Variants in RBM19 observed in about 807,000 individuals in gnomAD.
RBM19 encodes probable RNA-binding protein 19.
RBM19 carries 94 observed loss-of-function variants against 116.8 expected under a neutral mutation model. That is an observed-to-expected ratio of 0.80 (90% CI 0.68 to 0.95). The LOEUF is 0.95. Among genes scored for constraint, RBM19 ranks in the 40% least tolerant of loss-of-function variants. RBM19 has a pLI of 0.00. For missense variants in RBM19, 1,161 were observed against 1,220.7 expected, an observed-to-expected ratio of 0.95 and a Z score of 0.73; for synonymous variants, 475 against 494.1, an observed-to-expected ratio of 0.96 and a Z score of 0.51.
chr12:113,937,686 T>C (rs1870193776), intron 15 of RBM19, among the ~76,000 whole-genome samples: 1 of 150,838 alleles, frequency 6.6e-6, no homozygotes, highest in Non-Finnish European at 1.5e-5. Context: ...GAGGATCCCT[T>C]GAGCTCAGGA....
intron 13 of RBM19, among the ~76,000 whole-genome samples, chr12:113,944,896 T>C (rs11066841): frequency 2.6e-5 from 4 of 151,338 alleles, no homozygotes; most frequent in African/African-American, 9.7e-5. Context: ...TATATACATA[T>C]ACACACACAC....
At chr12:113,845,110 C>A (rs1396135770) in intron 22 of RBM19, among the ~76,000 whole-genome samples, 3 of 152,158 alleles carry the variant, frequency 2.0e-5, no homozygotes, top group Non-Finnish European at 4.4e-5. Context: ...AGTGGGCTCG[C>A]CTCCCACCCG....
chr12:113,876,445 A>G (rs546495979), intron 21 of RBM19, among the ~76,000 whole-genome samples: 2 of 152,310 alleles, frequency 1.3e-5, no homozygotes, highest in South Asian at 2.1e-4. Context: ...AAAACAGATA[A>G]TAAATCTATG....
chr12:113,858,168 T>A (rs573162381), intron 22 of RBM19, among the ~76,000 whole-genome samples: 141 of 152,342 alleles, frequency 9.3e-4, no homozygotes, highest in African/African-American at 3.2e-3. Context: ...CAGCACCCAC[T>A]GCAGGAGCAA....
In RBM19 at chr12:113,942,443, GAGGAA is replaced by G. The variant is rs759713612; in HGVS notation, c.1627-14_1627-10del. The stretch of plus-strand genomic sequence containing the variant: ...ACGCTGCCCTTGGTCTCCTGTGGAA[GAGGAA>G]AGGAAGAGTTCTGGTTGGCTGTCGG... On this transcript the variant is annotated splice_polypyrimidine_tract_variant and intron_variant, in intron 13 of 23. Transcript: ENST00000261741. The G allele has an allele frequency of 6.3e-7, 1 of 1,598,938 alleles. No individual in the cohort carries two copies. The highest frequency in any genetic ancestry group is 2.2e-5 in the East Asian group (1 of 44,498).
intron 22 of RBM19, among the ~76,000 whole-genome samples, chr12:113,856,769 C>T (rs1433768503): frequency 1.3e-5 from 2 of 152,184 alleles, no homozygotes; most frequent in African/African-American, 2.4e-5. Flanking sequence ...CAATGCCTTC[C>T]GCCTCCTCAT....
chr12:113,957,872 G>T lies in RBM19; in HGVS notation c.750C>A (p.Thr250=). ...SEAEEEDSSA[T]PVLQERDSKG... ...TGCTGTCTCTTTCCTGCAGGACTGG[G>T]GTGGCGGAGGAATCCTCTTCCTCGG... The change falls in exon 6 of 24, where the codon ACC becomes ACA. Residue 250 remains threonine, a synonymous_variant. Transcript: ENST00000261741. The T allele has an allele frequency of 6.2e-7, 1 of 1,614,152 alleles. No homozygotes were observed. Among genetic ancestry groups the T allele is most frequent in the Middle Eastern group, 1.6e-4 (1 of 6,062 alleles).
Position 113,960,162 on chromosome 12 carries a change from G to T in RBM19, c.236C>A (p.Ser79Ter). The T allele has an allele frequency of 6.2e-7, 1 of 1,613,798 alleles. No individual in the cohort carries two copies. The highest frequency in any genetic ancestry group is 1.1e-5 in the South Asian group (1 of 91,048). Residue 79 changes from serine to a stop codon, truncating the protein, a stop_gained, in exon 3 of 24, where the codon TCA becomes TAA. Coordinates refer to ENST00000261741, the MANE Select transcript of RBM19 (RefSeq NM_016196.4). LOFTEE classifies it high-confidence loss of function. ...TCTGGGTTTGGCCGGGTCCCCGAATGACTTGCAGAACTCCACCTGTGTGGG... is the reference window on the plus strand; with the variant it reads ...TCTGGGTTTGGCCGGGTCCCCGAATTACTTGCAGAACTCCACCTGTGTGGG... ...TSRITVEFCKSFGDPAKPRAW... is the reference protein window; with the variant it reads ...TSRITVEFCK
intron 18 of RBM19, among the ~76,000 whole-genome samples, chr12:113,922,206 C>T (rs929004650): frequency 1.3e-5 from 2 of 152,178 alleles, no homozygotes; most frequent in African/African-American, 4.8e-5. Context: ...CTGTAGAGCC[C>T]ACTTCCTGGA....
At chr12:113,856,439 G>A (rs937671664) in intron 22 of RBM19, among the ~76,000 whole-genome samples, 16 of 152,318 alleles carry the variant, frequency 1.1e-4, no homozygotes, top group Admixed American at 7.2e-4. Context: ...TCATGGCTGG[G>A]GCCCAGCCCT....
intron 21 of RBM19, among the ~76,000 whole-genome samples, chr12:113,870,839 T>G (rs1879155710): frequency 6.6e-6 from 1 of 152,140 alleles, no homozygotes; most frequent in South Asian, 2.1e-4. Flanking sequence ...GATTTGAGAT[T>G]CGTGACATAG....
chr12:113,940,760 C>T (rs1165800455), intron 14 of RBM19, among the ~76,000 whole-genome samples: 1 of 152,218 alleles, frequency 6.6e-6, no homozygotes, highest in African/African-American at 2.4e-5. Context: ...TGCACTGCCC[C>T]CAAAACTGTT....
intron 21 of RBM19, among the ~76,000 whole-genome samples, chr12:113,872,189 A>G (rs1879263114): frequency 1.4e-5 from 2 of 141,908 alleles, no homozygotes; most frequent in African/African-American, 5.2e-5. Context: ...CCCATCTGGG[A>G]TGTGAGGAGC....
At position 113,858,695 on chromosome 12, in the gene RBM19, G is replaced by T. The variant is rs895588112; in HGVS notation, c.2664+96C>A. On this transcript the variant is annotated intron_variant, in intron 22 of 23. Coordinates refer to ENST00000261741, the MANE Select transcript of RBM19 (RefSeq NM_016196.4). ...AAAAAAAGAACACCTGCATGGGGAG[G>T]TGACTCTGTGTGTGTTAGAGGCCTG... 1.5e-4 allele frequency: 175 copies of T among 1,145,168 alleles called. No homozygotes were observed. The African/African-American group carries it at 2.4e-3, about 16-fold the overall frequency. 70.9% of individuals were successfully genotyped at this position (1,145,168 alleles called of 1,614,324 possible).
At chr12:113,909,543 C>T (rs921912227) in intron 21 of RBM19, among the ~76,000 whole-genome samples, 1 of 152,124 alleles carries the variant, frequency 6.6e-6, no homozygotes, top group East Asian at 1.9e-4. Flanking sequence ...TGGAAGGCAA[C>T]GTGAACCACC....
In RBM19 at chr12:113,940,158, A is replaced by C; in HGVS notation, c.1740T>G (p.Ala580=). The C allele has an allele frequency of 6.2e-7, 1 of 1,612,438 alleles. No homozygotes were observed. The highest frequency in any genetic ancestry group is 8.5e-7 in the Non-Finnish European group (1 of 1,178,926). ...NGVSLDSFSQ[A]AAERSKTVIL... ...TCACAGTCTTGCTTCGCTCTGCTGC[A>C]GCCTGCAAAGAGGAAATGCACACAC... Residue 580 remains alanine, a splice_region_variant and synonymous_variant, in exon 15 of 24, where the codon GCT becomes GCG. Transcript: ENST00000261741.
chr12:113,944,976 A>G (rs1012336064), intron 13 of RBM19, among the ~76,000 whole-genome samples: 3 of 152,170 alleles, frequency 2.0e-5, no homozygotes, highest in African/African-American at 7.2e-5. Context: ...TATAGGATCC[A>G]AAGTAGAAAG....
chr12:113,912,147 C>T (rs1882467949), intron 21 of RBM19, among the ~76,000 whole-genome samples: 1 of 152,186 alleles, frequency 6.6e-6, no homozygotes. Flanking sequence ...CGGGAAGGGC[C>T]CCAGGCACTG....
chr12:113,947,508 T>G (rs749037743), intron 10 of RBM19, 44 bp from the exon 11 acceptor site: 25 of 1,553,388 alleles, frequency 1.6e-5, no homozygotes, highest in Non-Finnish European at 2.2e-5. Flanking sequence ...CCGCAGCCAC[T>G]TGGCCCCAGG....
Sources: gnomAD v4.1 joint callset for allele counts (sites outside exome capture counted in the v4.1 genomes callset) on GRCh38, gnomAD v4.1.1 for gene constraint, MANE v1.5 for transcripts, NCBI Gene and HGNC (gene_info 2026-07-23, HGNC 2026-07-21) for gene names.